Variants in PCDHGA1 observed in about 807,000 individuals in gnomAD.
The protein encoded by PCDHGA1 is protocadherin gamma-A1.
In PCDHGA1, 32 loss-of-function variants were observed where a neutral mutation model predicts 58.0. The ratio of observed to expected loss-of-function variants is 0.55; its 90% confidence interval spans 0.42 to 0.74. The LOEUF is 0.74. Ranked by LOEUF, PCDHGA1 falls within the 30% of genes least tolerant of loss-of-function variation. The probability of loss-of-function intolerance (pLI) is 0.00; values close to 1 mark genes in which losing one functional copy is unlikely to be tolerated. For missense variants in PCDHGA1, 1,205 were observed against 1,182.3 expected (o/e 1.02, Z -0.28); for synonymous variants, 498 against 501.1 (o/e 0.99, Z 0.08).
In PCDHGA1 at chr5:141,450,826, A is replaced by AT. The variant is rs764729742; in HGVS notation, c.2422-43979dup. On this transcript the variant is annotated intron_variant, in intron 1 of 3. Coordinates refer to ENST00000517417, the MANE Select transcript of PCDHGA1 (RefSeq NM_018912.3). ...TATTTATTTATTTAATATTATTATT[A>AT]TTATTTTTTTTTTTTTGAGATGGGG... Among the ~76,000 whole-genome samples, 613 of 134,334 alleles carry AT rather than the reference A, an allele frequency of 4.6e-3. 5 individuals are homozygous for AT. Among genetic ancestry groups the AT allele is most frequent in the African/African-American group, 9.0e-3 (309 of 34,288 alleles). 88.1% of individuals were successfully genotyped at this position (134,334 alleles called of 152,430 possible).
intron 1 of PCDHGA1, among the ~76,000 whole-genome samples, chr5:141,381,826 C>CTTTTTTTTTTTTTTTTTTTTTTTT (rs770630741): frequency 4.0e-5 from 3 of 74,284 alleles, no homozygotes; most frequent in African/African-American, 6.2e-5. Context: ...CTTTCTTCTT[C>CTTTTTTTTTTTTTTTTTTTTTTTT]TTTTTTTTTT....
At chr5:141,381,409 G>T (rs998398001) in intron 1 of PCDHGA1, among the ~76,000 whole-genome samples, 1 of 152,220 alleles carries the variant, frequency 6.6e-6, no homozygotes, top group Non-Finnish European at 1.5e-5. Context: ...CAACATCAGT[G>T]GAGAGACGAG....
intron 1 of PCDHGA1, chr5:141,356,020 A>G: frequency 6.2e-7 from 1 of 1,613,996 alleles, no homozygotes; most frequent in East Asian, 2.2e-5. Context: ...TGAAGGAGCC[A>G]ATGGAGACGT....
At chr5:141,372,003 C>T (rs552358423) in intron 1 of PCDHGA1, 1 of 1,613,296 alleles carries the variant, frequency 6.2e-7, no homozygotes, top group African/African-American at 1.3e-5. Flanking sequence ...GGCCCGCGAC[C>T]AGGGCTCGCC....
In PCDHGA1 at chr5:141,398,847, G is replaced by A. The variant is rs773663002; in HGVS notation, c.2421+65742G>A. On this transcript the variant is annotated intron_variant, in intron 1 of 3. Coordinates refer to ENST00000517417, the MANE Select transcript of PCDHGA1 (RefSeq NM_018912.3). Reference sequence around the variant, plus strand: ...TAACCGACGCCAATGATAATCCCCCGGTATTCAACCGAGACGTGTACAGAG... The same window carrying A: ...TAACCGACGCCAATGATAATCCCCCAGTATTCAACCGAGACGTGTACAGAG... The A allele has an allele frequency of 2.5e-6, 4 of 1,613,758 alleles. No homozygotes were observed. In the African/African-American group the frequency reaches 5.3e-5, roughly 22 times the overall value.
In PCDHGA1 at chr5:141,330,589, C is replaced by G. The variant is rs1250887971; in HGVS notation, c.-96C>G. The G allele has an allele frequency of 3.7e-6, 5 of 1,340,330 alleles. No individual in the cohort carries two copies. Among genetic ancestry groups the G allele is most frequent in the Non-Finnish European group, 4.1e-6 (4 of 982,268 alleles). 83.0% of individuals were successfully genotyped at this position (1,340,330 alleles called of 1,614,324 possible). ...TCCTACTTCTGGATGACTCTCCAGT[C>G]AGAATTCTCCTGAAAATTGGGTTAA... On this transcript the variant is annotated 5_prime_UTR_variant, in exon 1 of 4. The change creates a premature stop within an existing upstream ORF in the 5' untranslated region. Coordinates refer to ENST00000517417, the MANE Select transcript of PCDHGA1 (RefSeq NM_018912.3).
intron 1 of PCDHGA1, among the ~76,000 whole-genome samples, chr5:141,460,758 C>T (rs1292050905): frequency 6.6e-6 from 1 of 150,582 alleles, no homozygotes; most frequent in African/African-American, 2.4e-5. Context: ...TGTACATATA[C>T]ATATTGCATA....
intron 1 of PCDHGA1, chr5:141,345,473 T>C: frequency 3.1e-6 from 5 of 1,614,028 alleles, no homozygotes; most frequent in East Asian, 2.2e-5. Context: ...AGGACCCAGA[T>C]AGCAACAACA....
chr5:141,408,846 TGGACGGA>T, intron 1 of PCDHGA1: 1 of 1,613,698 alleles, frequency 6.2e-7, no homozygotes, highest in Non-Finnish European at 8.5e-7. Flanking sequence ...TTGACTGCCT[TGGACGGA>T]GGGGACCCAC....
chr5:141,356,985 CAG>C, intron 1 of PCDHGA1: 1 of 1,614,208 alleles, frequency 6.2e-7, no homozygotes, highest in Non-Finnish European at 8.5e-7. Context: ...TGGCAGTGGA[CAG>C]AGACTCAGGT....
At position 141,487,447 on chromosome 5, in the gene PCDHGA1, C is replaced by A. The variant is rs758411138; in HGVS notation, c.2422-7360C>A. 4.3e-6 allele frequency: 7 copies of A among 1,614,182 alleles called. No homozygotes were observed. The highest frequency in any genetic ancestry group is 5.9e-6 in the Non-Finnish European group (7 of 1,180,028). Reference sequence around the variant, plus strand: ...TCCGAATCCAGCTAGGGTCAGATGACCCTATCAAGTTTGTTGATGTGGGAG... The same window carrying A: ...TCCGAATCCAGCTAGGGTCAGATGAACCTATCAAGTTTGTTGATGTGGGAG... On this transcript the variant is annotated intron_variant, in intron 1 of 3. Coordinates refer to ENST00000517417, the MANE Select transcript of PCDHGA1 (RefSeq NM_018912.3). The surrounding 1 kb of genome is among the most constrained non-coding windows in gnomAD (Gnocchi z 5.0).
intron 1 of PCDHGA1, among the ~76,000 whole-genome samples, chr5:141,456,778 C>T (rs568292085): frequency 3.7e-4 from 57 of 152,242 alleles, no homozygotes; most frequent in African/African-American, 1.3e-3. Flanking sequence ...GCCTGGCCTA[C>T]ATGGCAAAAC....
At chr5:141,354,618 C>T (rs2149781201) in intron 1 of PCDHGA1, among the ~76,000 whole-genome samples, 1 of 152,348 alleles carries the variant, frequency 6.6e-6, no homozygotes, top group East Asian at 1.9e-4. Context: ...GTCCCACTGT[C>T]TTTTCACTTA....
At chr5:141,356,770 C>T (rs1406276997) in intron 1 of PCDHGA1, 12 of 1,614,006 alleles carry the variant, frequency 7.4e-6, no homozygotes, top group Non-Finnish European at 1.0e-5. Flanking sequence ...CGACTATGAG[C>T]AGTTTAGAGA....
At chr5:141,419,936 G>C in intron 1 of PCDHGA1, 1 of 1,614,074 alleles carries the variant, frequency 6.2e-7, no homozygotes, top group Non-Finnish European at 8.5e-7. Context: ...GTTTTACCTG[G>C]TGGTGGCCTT....
intron 1 of PCDHGA1, chr5:141,409,801 G>A: frequency 1.2e-6 from 2 of 1,611,946 alleles, no homozygotes; most frequent in South Asian, 2.2e-5. Context: ...TCACGCTGCA[G>A]GCCCGCGACC....
chr5:141,433,837 C>CAAA lies in PCDHGA1; in HGVS notation c.2422-60954_2422-60952dup, dbSNP rs56191208. The stretch of plus-strand genomic sequence containing the variant: ...GGGCAACAAGAGTGAAACTCTATCT[C>CAAA]AAAAAAAAAAAAAAAAAACTTTATC... On this transcript the variant is annotated intron_variant, in intron 1 of 3. Transcript: ENST00000517417. 4.3e-3 allele frequency among the ~76,000 whole-genome samples: 475 copies of CAAA among 111,672 alleles called. 6 individuals carry two copies. The highest frequency in any genetic ancestry group is 0.013 in the African/African-American group (431 of 32,292). The allele number at this position is 111,672 out of a possible 152,430, so 73.3% of individuals were successfully genotyped here.
Position 141,346,178 on chromosome 5 carries a change from G to A in PCDHGA1, c.2421+13073G>A, listed in dbSNP as rs770120119. 8.1e-6 allele frequency: 13 copies of A among 1,614,056 alleles called. No homozygotes were observed. The South Asian group carries it at 8.8e-5, about 11-fold the overall frequency. ...TCGTCATCGTGCTGCTGGCGCTCAG[G>A]CTGCGGCGCTGGCACAAGTCACGCC... is the stretch of plus-strand genomic sequence containing the variant. On this transcript the variant is annotated intron_variant, in intron 1 of 3. Transcript: ENST00000517417.
In PCDHGA1 at chr5:141,408,093, G is replaced by C. The variant is rs533105778; in HGVS notation, c.2421+74988G>C. On this transcript the variant is annotated intron_variant, in intron 1 of 3. Transcript: ENST00000517417. ...CCTTTCCCAGCACAGCGGATTGCCA[G>C]CTCCGAGACCCGGGACTCCTCCTGT... The C allele has an allele frequency of 7.0e-6, 10 of 1,429,954 alleles. No homozygotes were observed. In the Admixed American group the frequency reaches 1.4e-4, roughly 20 times the overall value. 88.6% of individuals were successfully genotyped at this position (1,429,954 alleles called of 1,614,324 possible).
Sources: allele counts gnomAD v4.1 joint callset (sites outside exome capture counted in the v4.1 genomes callset), GRCh38; gene constraint gnomAD v4.1.1; non-coding constraint Gnocchi (gnomAD v3.1); transcripts MANE v1.5; gene names NCBI Gene and HGNC (gene_info 2026-07-23, HGNC 2026-07-21).